GASK1A: variants seen among roughly 807,000 people sequenced by gnomAD.
GASK1A encodes the protein Golgi-associated kinase 1A.
In GASK1A, 40 loss-of-function variants were observed where a neutral mutation model predicts 41.2. The observed-to-expected ratio is 0.97, with a 90% CI of 0.75 to 1.27. The LOEUF (loss-of-function observed/expected upper bound fraction) is 1.27. Ranked by LOEUF, GASK1A falls within the 50% of genes most tolerant of loss-of-function variation. The probability of loss-of-function intolerance (pLI) is 0.00; values close to 1 mark genes in which losing one functional copy is unlikely to be tolerated. For synonymous variants in GASK1A, 316 were observed against 307.1 expected, an observed-to-expected ratio of 1.03 and a Z score of -0.30; for missense variants, 678 against 745.1, an observed-to-expected ratio of 0.91 and a Z score of 1.05.
intron 1 of GASK1A, among the ~76,000 whole-genome samples, chr3:42,993,738 A>G (rs1465421547): frequency 6.6e-6 from 1 of 152,222 alleles, no homozygotes; most frequent in East Asian, 1.9e-4. Flanking sequence ...TTAAAAAATA[A>G]TCTTTTAAAA....
At chr3:43,015,422 AGGATCTC>A (rs2089485626) in intron 1 of GASK1A, among the ~76,000 whole-genome samples, 1 of 150,222 alleles carries the variant, frequency 6.7e-6, no homozygotes, top group African/African-American at 2.5e-5. Flanking sequence ...GTGAAGTCAC[AGGATCTC>A]TGGCTGTGTG....
At chr3:42,994,880 C>T (rs1006035442) in intron 1 of GASK1A, among the ~76,000 whole-genome samples, 1 of 152,150 alleles carries the variant, frequency 6.6e-6, no homozygotes, top group African/African-American at 2.4e-5. Flanking sequence ...CAAATATCTC[C>T]AGAGTTGTCC....
intron 1 of GASK1A, among the ~76,000 whole-genome samples, chr3:43,007,563 TGA>T (rs2125678668): frequency 6.6e-6 from 1 of 152,320 alleles, no homozygotes; most frequent in South Asian, 2.1e-4. Context: ...TAAATCATGT[TGA>T]GTTTTGACCT....
At position 42,994,736 on chromosome 3, in the gene GASK1A, C is replaced by T. The variant is rs79646123; in HGVS notation, c.3+15091C>T. On this transcript the variant is annotated intron_variant, in intron 1 of 4. Transcript: ENST00000430121. ...TTGTCTCAGAAACTTGTTAATTAGG[C>T]TTTCTCCCTAATTCTTGGAAGGCAG... 5.1e-3 allele frequency among the ~76,000 whole-genome samples: 775 copies of T among 152,198 alleles called. 2 individuals carry two copies. Among genetic ancestry groups the T allele is most frequent in the African/African-American group, 0.018 (741 of 41,524 alleles).
intron 1 of GASK1A, among the ~76,000 whole-genome samples, chr3:43,017,573 A>G (rs1165919923): frequency 2.7e-5 from 4 of 146,808 alleles, no homozygotes; most frequent in African/African-American, 1.0e-4. Flanking sequence ...AGGAAGGGGT[A>G]GTGGGAAATC....
At chr3:43,047,538 T>G (rs1355687856) in intron 2 of GASK1A, among the ~76,000 whole-genome samples, 3 of 152,164 alleles carry the variant, frequency 2.0e-5, no homozygotes, top group African/African-American at 7.2e-5. Flanking sequence ...ATTAACGTCT[T>G]CCACTGATTG....
intron 1 of GASK1A, among the ~76,000 whole-genome samples, chr3:43,005,406 T>C (rs1205849026): frequency 6.6e-6 from 1 of 152,166 alleles, no homozygotes; most frequent in Non-Finnish European, 1.5e-5. Context: ...TTGTACTGAG[T>C]AGTGTGATGA....
In GASK1A at chr3:43,032,553, A is replaced by G. The variant is rs775900215; in HGVS notation, c.290A>G (p.His97Arg). The part of the protein sequence containing the change: ...SILVCAEEQG[H>R]RARVDRSRES... Reference sequence around the variant, plus strand: ...TTGGTCTGTGCTGAGGAGCAAGGCCATAGAGCAAGAGTGGACAGAAGCAGG... The same window carrying G: ...TTGGTCTGTGCTGAGGAGCAAGGCCGTAGAGCAAGAGTGGACAGAAGCAGG... The change falls in exon 2 of 5, where the codon CAT (histidine) becomes CGT (arginine). Residue 97 changes from histidine to arginine, a missense_variant. By Grantham distance (29) the His-to-Arg change is conservative (BLOSUM62 0). Transcript: ENST00000430121. The G allele has an allele frequency of 3.2e-5, 50 of 1,549,302 alleles. No individual in the cohort carries two copies. Among genetic ancestry groups the G allele is most frequent in the East Asian group, 2.4e-4 (10 of 40,830 alleles).
intron 2 of GASK1A, among the ~76,000 whole-genome samples, chr3:43,047,258 C>T (rs2089668867): frequency 6.6e-6 from 1 of 152,238 alleles, no homozygotes; most frequent in African/African-American, 2.4e-5. Context: ...TGCAAAGCTA[C>T]AGGGCCAGAG....
chr3:43,035,530 C>T (rs953441356), intron 2 of GASK1A, among the ~76,000 whole-genome samples: 4 of 152,144 alleles, frequency 2.6e-5, no homozygotes, highest in Non-Finnish European at 4.4e-5. Context: ...GATTGGAGCC[C>T]AGTTATTCAC....
At chr3:43,011,250 C>T (rs985673115) in intron 1 of GASK1A, among the ~76,000 whole-genome samples, 9 of 151,932 alleles carry the variant, frequency 5.9e-5, no homozygotes, top group Admixed American at 1.3e-4. Flanking sequence ...GGTGTGGTGG[C>T]GTGCGCCTGT....
intron 2 of GASK1A, among the ~76,000 whole-genome samples, chr3:43,050,433 A>G (rs1198167272): frequency 2.0e-5 from 3 of 152,058 alleles, no homozygotes; most frequent in Non-Finnish European, 4.4e-5. Context: ...GTGATGAGTG[A>G]CTTCTGTCTT....
intron 1 of GASK1A, among the ~76,000 whole-genome samples, chr3:43,030,299 G>A (rs368389117): frequency 8.5e-5 from 13 of 152,320 alleles, no homozygotes; most frequent in South Asian, 2.1e-4. Flanking sequence ...GAGCGACCGC[G>A]CCCAGCCAGG....
At chr3:42,988,820 T>C (rs1229042082) in intron 1 of GASK1A, among the ~76,000 whole-genome samples, 1 of 152,206 alleles carries the variant, frequency 6.6e-6, no homozygotes, top group African/African-American at 2.4e-5. Context: ...GGGCTGTCCC[T>C]AATGTCAGCT....
intron 1 of GASK1A, among the ~76,000 whole-genome samples, chr3:42,991,516 C>A (rs2089340693): frequency 6.6e-6 from 1 of 152,236 alleles, no homozygotes; most frequent in Non-Finnish European, 1.5e-5. Context: ...CACCCTCACA[C>A]ACTTGCATAG....
At chr3:43,050,000 T>C (rs901741961) in intron 2 of GASK1A, among the ~76,000 whole-genome samples, 1 of 150,532 alleles carries the variant, frequency 6.6e-6, no homozygotes, top group Non-Finnish European at 1.5e-5. Flanking sequence ...AGATTATAAT[T>C]ATTGCTTTCA....
chr3:42,980,352 T>G (rs997373119), intron 1 of GASK1A, among the ~76,000 whole-genome samples: 1 of 152,026 alleles, frequency 6.6e-6, no homozygotes, highest in African/African-American at 2.4e-5. Context: ...AAAGGACACA[T>G]GCAACCCCAG....
chr3:43,032,528 T>C lies in GASK1A; in HGVS notation c.265T>C (p.Leu89=), dbSNP rs2089581939. 3.2e-6 allele frequency: 5 copies of C among 1,549,508 alleles called. No individual in the cohort carries two copies. The South Asian group carries it at 6.0e-5, about 18-fold the overall frequency. The change falls in exon 2 of 5, where the codon TTG becomes CTG. Residue 89 remains leucine, a synonymous_variant. Transcript: ENST00000430121. ...CCGTGCTTTGCCCAGGAACTCCATCTTGGTCTGTGCTGAGGAGCAAGGCCA... is the reference window on the plus strand; with the variant it reads ...CCGTGCTTTGCCCAGGAACTCCATCCTGGTCTGTGCTGAGGAGCAAGGCCA... The part of the protein sequence containing the change: ...RSRALPRNSI[L]VCAEEQGHRA...
chr3:43,003,242 C>G (rs1164740183), intron 1 of GASK1A, among the ~76,000 whole-genome samples: 1 of 152,126 alleles, frequency 6.6e-6, no homozygotes, highest in Non-Finnish European at 1.5e-5. Flanking sequence ...CACCTGTAAT[C>G]CCAGCACTTT....
Sources: gnomAD v4.1 joint callset for allele counts (sites outside exome capture counted in the v4.1 genomes callset) on GRCh38, gnomAD v4.1.1 for gene constraint, MANE v1.5 for transcripts, NCBI Gene and HGNC (gene_info 2026-07-23, HGNC 2026-07-21) for gene names.